The following TRPM3 variants were observed in gnomAD, a reference collection of about 807,000 sequenced individuals.
The protein encoded by TRPM3 is long transient receptor potential channel 3.
Under a neutral mutation model 181.2 loss-of-function variants are expected in TRPM3, and 77 were observed. The observed-to-expected ratio is 0.42, with a 90% CI of 0.35 to 0.51. The LOEUF (loss-of-function observed/expected upper bound fraction) is 0.51. TRPM3 is among the 20% of genes least tolerant of loss of function. The pLI is 0.01. For synonymous variants in TRPM3, 745 were observed against 796.4 expected (o/e 0.94, Z 1.09); for missense variants, 1,759 against 2,196.7 (o/e 0.80, Z 3.98).
intron 1 of TRPM3, among the ~76,000 whole-genome samples, chr9:71,421,852 T>C (rs925649820): frequency 6.6e-6 from 1 of 151,988 alleles, no homozygotes; most frequent in African/African-American, 2.4e-5. Context: ...ATTAAAATCT[T>C]ATGGGACCAG....
At chr9:70,993,790 AAAAAAAAAAAAAAAAGAAAG>A (rs199636208) in intron 1 of TRPM3, among the ~76,000 whole-genome samples, 9,283 of 142,186 alleles carry the variant, frequency 0.065, 414 homozygotes, top group Admixed American at 0.15. Context: ...ATCTCAAAAA[AAAAAAAAAAAAAAAAGAAAG>A]AAAGAAAGAA....
intron 1 of TRPM3, among the ~76,000 whole-genome samples, chr9:70,923,961 T>C (rs141870994): frequency 0.011 from 1,620 of 150,650 alleles, 24 homozygotes; most frequent in African/African-American, 0.036. Context: ...CACACACACA[T>C]ATATATATAC....
chr9:70,854,754 C>G (rs2095341370), intron 3 of TRPM3, among the ~76,000 whole-genome samples: 1 of 152,188 alleles, frequency 6.6e-6, no homozygotes, highest in Non-Finnish European at 1.5e-5. Flanking sequence ...TCATTAGCGT[C>G]ACTGCCTGGC....
intron 1 of TRPM3, among the ~76,000 whole-genome samples, chr9:71,127,595 T>C (rs1317776746): frequency 6.6e-6 from 1 of 152,222 alleles, no homozygotes. Flanking sequence ...GGGTCTACAA[T>C]AGTTTCCACC....
In TRPM3 at chr9:71,434,842, C is replaced by A. The variant is rs1022428055; in HGVS notation, c.183+11811G>T. ...TATAATAATTATCTATTACTATAAT[C>A]TTTATTTATGGAGCAAAGGAGACAC... On this transcript the variant is annotated intron_variant, in intron 1 of 24. Coordinates refer to the TRPM3 transcript ENST00000357533. Among the ~76,000 whole-genome samples, 53 of 152,164 alleles carry A rather than the reference C, an allele frequency of 3.5e-4. 1 individual carries two copies. Among genetic ancestry groups the A allele is most frequent in the Admixed American group, 2.0e-4 (3 of 15,294 alleles).
chr9:70,635,325 A>G (rs1277119322), intron 11 of TRPM3, 64 bp from the exon 12 acceptor site: 35 of 1,425,918 alleles, frequency 2.5e-5, no homozygotes, highest in Non-Finnish European at 1.2e-5. Context: ...GCAAGACAAG[A>G]AGGATCTAGA....
intron 1 of TRPM3, among the ~76,000 whole-genome samples, chr9:71,441,227 C>CTT (rs142003806): frequency 2.0e-5 from 3 of 148,698 alleles, no homozygotes; most frequent in Admixed American, 6.7e-5. Flanking sequence ...AGAAAATGGT[C>CTT]TTTTTTTTTT....
At chr9:71,127,520 C>T (rs2074117611) in intron 1 of TRPM3, among the ~76,000 whole-genome samples, 1 of 152,162 alleles carries the variant, frequency 6.6e-6, no homozygotes, top group Non-Finnish European at 1.5e-5. Flanking sequence ...CTCCTCTTAC[C>T]CACTATGTGG....
At position 70,681,588 on chromosome 9, in the gene TRPM3, G is replaced by C; in HGVS notation, c.1273-10C>G. The C allele has an allele frequency of 6.2e-7, 1 of 1,613,138 alleles. No individual in the cohort carries two copies. The highest frequency in any genetic ancestry group is 8.5e-7 in the Non-Finnish European group (1 of 1,179,164). Reference sequence around the variant, plus strand: ...TCCGAAATACCGTAATCTGCAATTTGAGACAAGGTGATCATTAGCAAAGCA... The same window carrying C: ...TCCGAAATACCGTAATCTGCAATTTCAGACAAGGTGATCATTAGCAAAGCA... On this transcript the variant is annotated splice_polypyrimidine_tract_variant and intron_variant, in intron 8 of 25. Coordinates refer to ENST00000677713, the MANE Select transcript of TRPM3 (RefSeq NM_001366145.2).
intron 22 of TRPM3, among the ~76,000 whole-genome samples, chr9:70,566,004 C>A (rs1356686517): frequency 6.6e-6 from 1 of 152,154 alleles, no homozygotes; most frequent in Non-Finnish European, 1.5e-5. Context: ...GTACCAGGCA[C>A]TATTCTAAGT....
chr9:71,321,223 C>A (rs2089192165), intron 1 of TRPM3, among the ~76,000 whole-genome samples: 1 of 152,138 alleles, frequency 6.6e-6, no homozygotes, highest in African/African-American at 2.4e-5. Flanking sequence ...AAAATTCTTC[C>A]TACTAAATAG....
intron 14 of TRPM3, among the ~76,000 whole-genome samples, chr9:70,623,594 G>A (rs1395087993): frequency 6.6e-6 from 1 of 152,192 alleles, no homozygotes; most frequent in Non-Finnish European, 1.5e-5. Context: ...CAAGAACAAA[G>A]GCAGTGGTAC....
At chr9:71,318,989 T>G (rs1174854800) in intron 1 of TRPM3, among the ~76,000 whole-genome samples, 1 of 152,226 alleles carries the variant, frequency 6.6e-6, no homozygotes, top group African/African-American at 2.4e-5. Context: ...AAATTTGCAT[T>G]TTCTAAAATA....
intron 1 of TRPM3, among the ~76,000 whole-genome samples, chr9:70,995,663 T>C (rs1177003555): frequency 6.6e-6 from 1 of 152,174 alleles, no homozygotes; most frequent in African/African-American, 2.4e-5. Flanking sequence ...ACAAGAGCCA[T>C]TTGTTTTAAT....
intron 1 of TRPM3, among the ~76,000 whole-genome samples, chr9:71,422,728 G>T (rs1479368724): frequency 2.0e-5 from 3 of 151,902 alleles, no homozygotes; most frequent in African/African-American, 7.3e-5. Context: ...CGTTATGCTT[G>T]GTTTCTTACA....
rs1054269065 is a variant in TRPM3 at position 71,021,519 on chromosome 9, C to A, written c.177+99659G>T. Among the ~76,000 whole-genome samples the A allele has an allele frequency of 2.6e-5, 4 of 152,126 alleles. 1 individual carries two copies. Among genetic ancestry groups the A allele is most frequent in the Admixed American group, 1.3e-4 (2 of 15,280 alleles). On this transcript the variant is annotated intron_variant, in intron 1 of 25. Coordinates refer to ENST00000677713, the MANE Select transcript of TRPM3 (RefSeq NM_001366145.2). ...AAATAGACAAGGGGTTGTTACTTAG[C>A]ACGCTAGGGAAATGGGTAATGAGAT...
chr9:71,027,606 T>A (rs886893467), intron 1 of TRPM3, among the ~76,000 whole-genome samples: 6 of 151,996 alleles, frequency 3.9e-5, no homozygotes, highest in Non-Finnish European at 7.4e-5. Context: ...GTAGCCAGGA[T>A]CAAAATCAAC....
intron 1 of TRPM3, among the ~76,000 whole-genome samples, chr9:71,211,158 A>T (rs1002519558): frequency 3.9e-5 from 6 of 152,196 alleles, no homozygotes; most frequent in Non-Finnish European, 7.3e-5. Context: ...TAGAAAAAAA[A>T]TACAGTACAT....
At chr9:71,112,448 T>C (rs4338175) in intron 1 of TRPM3, among the ~76,000 whole-genome samples, 12,885 of 152,196 alleles carry the variant, frequency 0.085, 630 homozygotes, top group Admixed American at 0.15. Flanking sequence ...CTAACTAATC[T>C]TCCAACTTGG....
Sources: allele counts gnomAD v4.1 joint callset (sites outside exome capture counted in the v4.1 genomes callset), GRCh38; gene constraint gnomAD v4.1.1; transcripts MANE v1.5; gene names NCBI Gene and HGNC (gene_info 2026-07-23, HGNC 2026-07-21).